Variants in SLC7A6OS observed in about 807,000 individuals in gnomAD.
SLC7A6OS encodes solute carrier family 7 member 6 opposite strand.
A neutral mutation model predicts 34.3 loss-of-function variants in SLC7A6OS; 22 were observed. The ratio of observed to expected loss-of-function variants is 0.64; its 90% CI spans 0.46 to 0.92. SLC7A6OS has a LOEUF of 0.92. Among genes scored for constraint, SLC7A6OS ranks in the 40% least tolerant of loss-of-function variants. SLC7A6OS has a pLI of 0.00. For missense variants in SLC7A6OS, 434 were observed against 407.7 expected, an observed-to-expected ratio of 1.06 and a Z score of -0.56; for synonymous variants, 199 against 165.0, an observed-to-expected ratio of 1.21 and a Z score of -1.58.
chr16:68,307,627 C>T (rs532598207), intron 2 of SLC7A6OS, among the ~76,000 whole-genome samples: 1 of 152,300 alleles, frequency 6.6e-6, no homozygotes, highest in Admixed American at 6.5e-5. Flanking sequence ...CCATGCCATC[C>T]TGTTTTCCAA....
At chr16:68,308,410 C>G (rs965486770) in intron 2 of SLC7A6OS, among the ~76,000 whole-genome samples, 7 of 148,040 alleles carry the variant, frequency 4.7e-5, no homozygotes, top group Non-Finnish European at 7.5e-5. Flanking sequence ...GGTGGATCAC[C>G]TGAGGTCAGG....
intron 2 of SLC7A6OS, among the ~76,000 whole-genome samples, chr16:68,308,976 C>T (rs1379511348): frequency 2.7e-5 from 4 of 150,066 alleles, no homozygotes; most frequent in African/African-American, 4.9e-5. Flanking sequence ...TGCTTGAACC[C>T]GGGAGTTGGA....
chr16:68,301,011 C>G lies in SLC7A6OS; in HGVS notation c.*264G>C. The G allele has an allele frequency of 2.7e-6, 3 of 1,114,672 alleles. No individual in the cohort carries two copies. The highest frequency in any genetic ancestry group is 2.2e-6 in the Non-Finnish European group (2 of 914,308). The allele number at this position is 1,114,672 out of a possible 1,614,324, so 69.0% of individuals were successfully genotyped here. A position where few individuals can be genotyped will look rare whatever the true frequency, so the allele number is the denominator to read the frequency against. On this transcript the variant is annotated 3_prime_UTR_variant, in exon 5 of 5. Transcript: ENST00000263997. ...GGCCAAGAAGCTAAAGCTAAAGAAA[C>G]CTTCCTTTTTTCAACGTTTTTTTTT...
At chr16:68,307,872 C>G (rs980201881) in intron 2 of SLC7A6OS, among the ~76,000 whole-genome samples, 4 of 152,124 alleles carry the variant, frequency 2.6e-5, no homozygotes, top group Admixed American at 2.6e-4. Flanking sequence ...CAGTTTATCT[C>G]CTAGTTTTCT....
intron 1 of SLC7A6OS, 39 bp downstream of exon 1, chr16:68,310,696 C>G (rs991199295): frequency 6.3e-7 from 1 of 1,583,522 alleles, no homozygotes; most frequent in Non-Finnish European, 8.6e-7. Flanking sequence ...CGGCTGCACC[C>G]GAAGATGCCC....
chr16:68,305,430 C>T (rs939420274), intron 2 of SLC7A6OS, among the ~76,000 whole-genome samples: 5 of 152,180 alleles, frequency 3.3e-5, no homozygotes, highest in African/African-American at 9.7e-5. Flanking sequence ...CCAGTGCTGA[C>T]AGGCTGTATT....
At chr16:68,304,413 C>T (rs988657844) in intron 2 of SLC7A6OS, among the ~76,000 whole-genome samples, 181 bp from the exon 3 acceptor site, 2 of 152,182 alleles carry the variant, frequency 1.3e-5, no homozygotes, top group African/African-American at 4.8e-5. Flanking sequence ...CTCCGCCTCC[C>T]AGGTTCAAGC....
At chr16:68,309,207 G>A (rs2043364864) in intron 2 of SLC7A6OS, among the ~76,000 whole-genome samples, 2 of 151,958 alleles carry the variant, frequency 1.3e-5, no homozygotes, top group Non-Finnish European at 2.9e-5. Context: ...TGATCCTCCT[G>A]CCCCAGCCTC....
rs547575765 is a variant in SLC7A6OS at position 68,303,127 on chromosome 16, G to A, written c.679-626C>T. Among the ~76,000 whole-genome samples the A allele has an allele frequency of 9.2e-5, 14 of 152,130 alleles. No homozygotes were observed. The South Asian group carries it at 1.0e-3, about 11-fold the overall frequency. ...AAAAATACAAAAATTAGCCAGGCATGGTGGCATGCACCTGTAGTCCCAGCT... is the reference window on the plus strand; with the variant it reads ...AAAAATACAAAAATTAGCCAGGCATAGTGGCATGCACCTGTAGTCCCAGCT... On this transcript the variant is annotated intron_variant, in intron 3 of 4. Coordinates refer to ENST00000263997, the MANE Select transcript of SLC7A6OS (RefSeq NM_032178.3).
intron 2 of SLC7A6OS, among the ~76,000 whole-genome samples, chr16:68,307,673 C>T (rs774641923): frequency 2.6e-5 from 4 of 152,178 alleles, no homozygotes; most frequent in South Asian, 2.1e-4. Flanking sequence ...CAATTGTGTA[C>T]GCTTTTAATC....
chr16:68,303,807 C>T (rs2043306200), intron 3 of SLC7A6OS: 1 of 553,760 alleles, frequency 1.8e-6, no homozygotes, highest in African/African-American at 1.9e-5. Context: ...GTAAAATATT[C>T]ATTAATGTAA....
chr16:68,310,401 G>A lies in SLC7A6OS; in HGVS notation c.405C>T (p.Gly135=). ...CGTGGACAAGGTCTAACAACTGAAA[G>A]CCCGAGTTCCCGGCGGCTTCTGGGT... ...PGNPEAAGNS[G]FQLLDLVHEE... is the part of the protein sequence containing the mutation. Residue 135 remains glycine (G), a synonymous_variant, in exon 2 of 5, where the codon GGC becomes GGT. Transcript: ENST00000263997. 6.2e-7 allele frequency: 1 copy of A among 1,612,240 alleles called. No individual in the cohort carries two copies. The highest frequency in any genetic ancestry group is 8.5e-7 in the Non-Finnish European group (1 of 1,179,428).
In SLC7A6OS at chr16:68,301,242, A is replaced by T; in HGVS notation, c.*33T>A. The T allele has an allele frequency of 6.2e-7, 1 of 1,605,528 alleles. No individual in the cohort carries two copies. Among genetic ancestry groups the T allele is most frequent in the Non-Finnish European group, 8.5e-7 (1 of 1,174,610 alleles). On this transcript the variant is annotated 3_prime_UTR_variant, in exon 5 of 5. Transcript: ENST00000263997. ...CTCTGGACTCAGAGCCCTCAAGGGC[A>T]TGTGGCAGAACCTCATGGACATCAC...
chr16:68,304,373 T>C (rs997202509), intron 2 of SLC7A6OS, 141 bp from the exon 3 acceptor site: 8 of 705,616 alleles, frequency 1.1e-5, no homozygotes, highest in Middle Eastern at 3.7e-4. Flanking sequence ...CAGGCTGGAG[T>C]GCAGTGGCGT....
At chr16:68,301,798 C>T (rs369740235) in intron 4 of SLC7A6OS, 2 of 161,136 alleles carry the variant, frequency 1.2e-5, no homozygotes, top group African/African-American at 4.8e-5. Context: ...TATCAGACAC[C>T]AATAAATTCT....
rs1362458830 is a variant in SLC7A6OS, at chr16:68,300,649, G to GT, written c.*625dup. ...CAAAGCTAGATTTTACTAAACACATGTATCACATTCATATATATTGTTTCT... is the reference window on the plus strand; with the variant it reads ...CAAAGCTAGATTTTACTAAACACATGTTATCACATTCATATATATTGTTTCT... On this transcript the variant is annotated 3_prime_UTR_variant, in exon 5 of 5. Transcript: ENST00000263997. The GT allele has an allele frequency of 1.0e-6, 1 of 985,308 alleles. No individual in the cohort carries two copies. Among genetic ancestry groups the GT allele is most frequent in the Non-Finnish European group, 1.2e-6 (1 of 829,932 alleles). The allele number at this position is 985,308 out of a possible 1,614,324, so 61.0% of individuals were successfully genotyped here.
At chr16:68,305,706 T>C (rs1475110319) in intron 2 of SLC7A6OS, among the ~76,000 whole-genome samples, 1 of 152,196 alleles carries the variant, frequency 6.6e-6, no homozygotes, top group East Asian at 1.9e-4. Flanking sequence ...AAGTTACCTA[T>C]GACAAAAGTT....
intron 2 of SLC7A6OS, among the ~76,000 whole-genome samples, chr16:68,306,993 C>T (rs2043331860): frequency 6.6e-6 from 1 of 152,198 alleles, no homozygotes; most frequent in Non-Finnish European, 1.5e-5. Flanking sequence ...GTGTGAACTA[C>T]TGAGCCCAGC....
intron 3 of SLC7A6OS, chr16:68,303,759 G>A (rs2151239849): frequency 2.4e-6 from 1 of 412,788 alleles, no homozygotes; most frequent in East Asian, 4.2e-5. Context: ...CCCTAAGAAT[G>A]GATAGCTATA....
Sources: allele counts gnomAD v4.1 joint callset (sites outside exome capture counted in the v4.1 genomes callset), GRCh38; gene constraint gnomAD v4.1.1; transcripts MANE v1.5; gene names NCBI Gene and HGNC (gene_info 2026-07-23, HGNC 2026-07-21).